CDH12: variants seen among roughly 807,000 people sequenced by gnomAD.
CDH12 encodes cadherin-12.
Under a neutral mutation model 74.1 loss-of-function variants are expected in CDH12, and 41 were observed. The ratio of observed to expected loss-of-function variants is 0.55; its 90% CI spans 0.43 to 0.72. The LOEUF is 0.72. Among genes scored for constraint, CDH12 ranks in the 30% least tolerant of loss-of-function variants. The pLI, the probability that CDH12 is intolerant of heterozygous loss-of-function variation, is 0.00. For synonymous variants in CDH12, 399 were observed against 355.0 expected (o/e 1.12, Z -1.39); for missense variants, 945 against 977.2 (o/e 0.97, Z 0.44).
At chr5:22,738,777 T>G (rs2127014444) in intron 1 of CDH12, among the ~76,000 whole-genome samples, 1 of 152,186 alleles carries the variant, frequency 6.6e-6, no homozygotes, top group South Asian at 2.1e-4. Flanking sequence ...ATATGTTAAT[T>G]ACTTCAAAGG....
chr5:22,695,083 TGTG>T lies in CDH12; in HGVS notation c.-523+157972_-523+157974del, dbSNP rs1160872705. 3.3e-5 allele frequency among the ~76,000 whole-genome samples: 5 copies of T among 152,058 alleles called. No individual in the cohort carries two copies. In the East Asian group the frequency reaches 9.7e-4, roughly 29 times the overall value. ...CAACTCCCACTTATGAGTGATAAAA[TGTG>T]GTGTTTGGTTTTCTGTTCCTGTGTT... On this transcript the variant is annotated intron_variant, in intron 1 of 14. Coordinates refer to ENST00000382254, the MANE Select transcript of CDH12 (RefSeq NM_004061.5).
At chr5:21,915,949 C>G (rs1243854173) in intron 6 of CDH12, among the ~76,000 whole-genome samples, 1 of 59,550 alleles carries the variant, frequency 1.7e-5, no homozygotes, top group African/African-American at 3.2e-5. Context: ...ACAAGGCCTT[C>G]ATACTTTTAA....
chr5:21,757,238 C>A (rs546561734), intron 13 of CDH12, among the ~76,000 whole-genome samples: 5 of 152,054 alleles, frequency 3.3e-5, no homozygotes, highest in African/African-American at 9.7e-5. Flanking sequence ...TACAGTGGAT[C>A]AATCTCGGCT....
intron 6 of CDH12, among the ~76,000 whole-genome samples, chr5:21,949,065 G>T (rs1341017006): frequency 6.6e-6 from 1 of 152,108 alleles, no homozygotes; most frequent in Non-Finnish European, 1.5e-5. Context: ...CTCAGGTAGT[G>T]TCTTTATAGT....
chr5:22,087,195 A>G (rs1743122874), intron 4 of CDH12, among the ~76,000 whole-genome samples: 5 of 152,178 alleles, frequency 3.3e-5, no homozygotes, highest in South Asian at 4.1e-4. Context: ...ATAATAATGT[A>G]TCAGTATTGG....
intron 5 of CDH12, among the ~76,000 whole-genome samples, chr5:22,009,939 C>CAAAAAAAAAAAAAAAAAAAAAAAAA (rs774589642): frequency 5.5e-5 from 3 of 54,302 alleles, no homozygotes; most frequent in Admixed American, 2.2e-4. Context: ...GAAACTGTCT[C>CAAAAAAAAAAAAAAAAAAAAAAAAA]AAAAAAAAAA....
chr5:22,752,723 C>A (rs1286150383), intron 1 of CDH12, among the ~76,000 whole-genome samples: 1 of 140,302 alleles, frequency 7.1e-6, no homozygotes, highest in Non-Finnish European at 1.5e-5. Context: ...AGGCGCCCGC[C>A]ACTACGCCCG....
At chr5:22,411,764 G>T (rs1183854372) in intron 2 of CDH12, among the ~76,000 whole-genome samples, 1 of 151,872 alleles carries the variant, frequency 6.6e-6, no homozygotes, top group East Asian at 1.9e-4. Context: ...TTTAATAAAA[G>T]AGCCCTGGTT....
intron 1 of CDH12, among the ~76,000 whole-genome samples, chr5:22,586,950 G>C (rs936152183): frequency 6.7e-6 from 1 of 150,102 alleles, no homozygotes; most frequent in Non-Finnish European, 1.5e-5. Context: ...GGGTTCAAGT[G>C]ATTCTCGTAT....
At chr5:22,500,376 T>C (rs1747282346) in intron 2 of CDH12, among the ~76,000 whole-genome samples, 1 of 152,172 alleles carries the variant, frequency 6.6e-6, no homozygotes, top group Non-Finnish European at 1.5e-5. Flanking sequence ...CATTTATAAA[T>C]GTTCAGTTAA....
In CDH12 at chr5:21,804,120, T is replaced by C. The variant is rs550266492; in HGVS notation, c.1003-1700A>G. ...AATGTTTTCTTTTTACTTTTCTATA[T>C]TTTAATTTGCTAACCTCATACCTGT... On this transcript the variant is annotated intron_variant, in intron 9 of 14. Coordinates refer to ENST00000382254, the MANE Select transcript of CDH12 (RefSeq NM_004061.5). 5.3e-5 allele frequency among the ~76,000 whole-genome samples: 8 copies of C among 152,324 alleles called. No homozygotes were observed. In the South Asian group the frequency reaches 1.7e-3, roughly 32 times the overall value.
intron 6 of CDH12, among the ~76,000 whole-genome samples, chr5:21,899,169 T>G (rs1253699426): frequency 6.6e-6 from 1 of 152,210 alleles, no homozygotes; most frequent in Admixed American, 6.5e-5. Flanking sequence ...TCTGTGATCT[T>G]TCTAGCTAGA....
At chr5:21,828,412 G>A (rs1748803128) in intron 8 of CDH12, among the ~76,000 whole-genome samples, 1 of 152,200 alleles carries the variant, frequency 6.6e-6, no homozygotes, top group East Asian at 1.9e-4. Flanking sequence ...GTGAGCCACT[G>A]AGCCTGGCCA....
chr5:22,173,262 T>A (rs1749138894), intron 4 of CDH12, among the ~76,000 whole-genome samples: 1 of 147,096 alleles, frequency 6.8e-6, no homozygotes, highest in South Asian at 2.1e-4. Flanking sequence ...ATTTATATAA[T>A]TTAAATTTTA....
At chr5:22,114,125 C>A (rs1226063001) in intron 4 of CDH12, among the ~76,000 whole-genome samples, 6 of 152,112 alleles carry the variant, frequency 3.9e-5, no homozygotes, top group African/African-American at 7.2e-5. Context: ...GCAGTAGGAG[C>A]TTTTTGTTAC....
intron 3 of CDH12, among the ~76,000 whole-genome samples, chr5:22,285,408 A>G (rs1326884509): frequency 2.0e-5 from 3 of 152,122 alleles, no homozygotes; most frequent in Non-Finnish European, 4.4e-5. Flanking sequence ...ATAGACATGG[A>G]TATTTATCAT....
chr5:21,887,138 TAAG>T (rs1231390930), intron 6 of CDH12, among the ~76,000 whole-genome samples: 1 of 152,178 alleles, frequency 6.6e-6, no homozygotes, highest in Non-Finnish European at 1.5e-5. Flanking sequence ...TGACAGTATC[TAAG>T]AAGACTTTGC....
At chr5:22,407,100 T>C (rs957417455) in intron 2 of CDH12, among the ~76,000 whole-genome samples, 1 of 152,202 alleles carries the variant, frequency 6.6e-6, no homozygotes, top group African/African-American at 2.4e-5. Context: ...TCAATCTGAA[T>C]CTCTAAGTAA....
intron 2 of CDH12, among the ~76,000 whole-genome samples, chr5:22,490,755 G>T (rs1365132533): frequency 6.6e-6 from 1 of 152,060 alleles, no homozygotes; most frequent in Admixed American, 6.6e-5. Flanking sequence ...TTATTTAGTT[G>T]ATAAGTAAGT....
Sources: allele counts gnomAD v4.1 joint callset (sites outside exome capture counted in the v4.1 genomes callset), GRCh38; gene constraint gnomAD v4.1.1; transcripts MANE v1.5; gene names NCBI Gene and HGNC (gene_info 2026-07-23, HGNC 2026-07-21).